Variants in LARGE1 observed in about 807,000 individuals in gnomAD.
The protein encoded by LARGE1 is xylosyl- and glucuronyltransferase LARGE1.
In LARGE1, 43 loss-of-function variants were observed where a neutral mutation model predicts 87.6. The ratio of observed to expected loss-of-function variants is 0.49; its 90% CI spans 0.38 to 0.63. The LOEUF (loss-of-function observed/expected upper bound fraction) is 0.63. Ranked by LOEUF, LARGE1 falls within the 30% of genes least tolerant of loss-of-function variation. LARGE1 has a pLI of 0.00. For missense variants in LARGE1, 802 were observed against 1,000.2 expected (o/e 0.80, Z 2.67); for synonymous variants, 434 against 394.6 (o/e 1.10, Z -1.18).
chr22:33,221,827 C>A (rs973097655), intron 11 of LARGE1: 1 of 152,244 alleles, frequency 6.6e-6, no homozygotes, highest in African/African-American at 2.4e-5. Flanking sequence ...GGAACCAGCC[C>A]CACCAATCAT....
chr22:33,695,882 C>A (rs2082228183), intron 2 of LARGE1, among the ~76,000 whole-genome samples: 1 of 152,198 alleles, frequency 6.6e-6, no homozygotes, highest in African/African-American at 2.4e-5. Flanking sequence ...CCTTCTCTGA[C>A]AATATCTGCA....
chr22:33,501,399 G>A (rs2070429491), intron 6 of LARGE1, among the ~76,000 whole-genome samples: 1 of 152,134 alleles, frequency 6.6e-6, no homozygotes, highest in South Asian at 2.1e-4. Context: ...GGCCCTAGGG[G>A]GCATGAATCT....
intron 12 of LARGE1, among the ~76,000 whole-genome samples, chr22:33,290,349 A>G (rs1602260591): frequency 6.6e-6 from 1 of 152,178 alleles, no homozygotes; most frequent in Admixed American, 6.5e-5. Context: ...ACAGTGGTTC[A>G]CATTCTAGAG....
chr22:33,428,984 G>C (rs1347680897), intron 7 of LARGE1, among the ~76,000 whole-genome samples: 1 of 150,172 alleles, frequency 6.7e-6, no homozygotes, highest in Non-Finnish European at 1.5e-5. Flanking sequence ...GGTTCAAGGA[G>C]TGAAGTGACT....
chr22:33,220,540 C>T (rs1462741060), intron 11 of LARGE1, among the ~76,000 whole-genome samples: 4 of 152,104 alleles, frequency 2.6e-5, no homozygotes, highest in Admixed American at 1.3e-4. Flanking sequence ...CCTCCTTTTT[C>T]ATTTGAAGAA....
At chr22:33,153,865 G>A in the LARGE1 span, among the ~76,000 whole-genome samples, 2 of 152,092 alleles carry the variant, frequency 1.3e-5, no homozygotes, top group Admixed American at 6.5e-5. Context: ...AAATCCCAGG[G>A]GACTGGCGGT....
chr22:33,602,567 CTA>C (rs2079139928), intron 5 of LARGE1, among the ~76,000 whole-genome samples: 2 of 152,092 alleles, frequency 1.3e-5, no homozygotes, highest in African/African-American at 4.8e-5. Flanking sequence ...ACGCATCTCA[CTA>C]TGTTTCCCAG....
the LARGE1 span, among the ~76,000 whole-genome samples, chr22:33,081,039 C>T: frequency 6.6e-6 from 1 of 152,006 alleles, no homozygotes; most frequent in Non-Finnish European, 1.5e-5. Flanking sequence ...AACTGTTTTG[C>T]CTCAGAATTC....
chr22:33,075,755 C>T, the LARGE1 span, among the ~76,000 whole-genome samples: 1,274 of 152,238 alleles, frequency 8.4e-3, 21 homozygotes, highest in South Asian at 0.057. Context: ...TTTTCCTTCA[C>T]GGTATCACAT....
intron 6 of LARGE1, among the ~76,000 whole-genome samples, chr22:33,506,862 T>C (rs1441148375): frequency 2.0e-5 from 3 of 152,022 alleles, no homozygotes; most frequent in South Asian, 2.1e-4. Context: ...GATCACGCCA[T>C]TGTACTCCAG....
At chr22:33,827,115 C>A (rs1251512717) in intron 1 of LARGE1, among the ~76,000 whole-genome samples, 1 of 152,004 alleles carries the variant, frequency 6.6e-6, no homozygotes, top group Non-Finnish European at 1.5e-5. Context: ...GTAATCCCAG[C>A]ACTTTGGGAG....
At chr22:33,766,564 A>G (rs1332035336) in intron 1 of LARGE1, among the ~76,000 whole-genome samples, 1 of 152,114 alleles carries the variant, frequency 6.6e-6, no homozygotes, top group Non-Finnish European at 1.5e-5. Flanking sequence ...AGCTGGGATT[A>G]CAGGTGCCAG....
At chr22:33,161,761 T>A (rs1014418576), downstream of LARGE1, among the ~76,000 whole-genome samples, 3 of 152,308 alleles carry the variant, frequency 2.0e-5, no homozygotes, top group African/African-American at 7.2e-5. Flanking sequence ...ACAGCCCCCC[T>A]CCCAGCTGCT....
chr22:33,652,378 A>G (rs1445288974), intron 2 of LARGE1, among the ~76,000 whole-genome samples: 1 of 151,998 alleles, frequency 6.6e-6, no homozygotes, highest in Admixed American at 6.6e-5. Context: ...ACAAACACTT[A>G]TTAGTATAAA....
intron 1 of LARGE1, among the ~76,000 whole-genome samples, chr22:33,811,956 T>G (rs541924149): frequency 6.6e-6 from 1 of 152,146 alleles, no homozygotes; most frequent in Admixed American, 6.5e-5. Flanking sequence ...GGCTTAGCGC[T>G]CAATTGCATG....
intron 1 of LARGE1, among the ~76,000 whole-genome samples, chr22:33,792,425 G>C (rs1242406300): frequency 6.6e-6 from 1 of 152,112 alleles, no homozygotes; most frequent in African/African-American, 2.4e-5. Context: ...TAAGTTTCCT[G>C]AGGCCTCCCC....
intron 1 of LARGE1, among the ~76,000 whole-genome samples, chr22:33,868,398 T>C (rs972248046): frequency 1.3e-5 from 2 of 152,190 alleles, no homozygotes; most frequent in Non-Finnish European, 2.9e-5. Flanking sequence ...CGAGACGAGA[T>C]GATGTCTAAG....
intron 6 of LARGE1, among the ~76,000 whole-genome samples, chr22:33,539,256 GA>G (rs66550730): frequency 0.55 from 81,463 of 147,786 alleles, 22,496 homozygotes; most frequent in Admixed American, 0.65. Context: ...CTGATTAAAA[GA>G]AAAAAAAAAA....
intron 9 of LARGE1, among the ~76,000 whole-genome samples, chr22:33,370,552 T>A (rs373663047): frequency 1.1e-4 from 16 of 152,320 alleles, no homozygotes; most frequent in African/African-American, 3.8e-4. Context: ...ATAATTTGAA[T>A]GCAATCGTTG....
Sources: allele counts gnomAD v4.1 joint callset (sites outside exome capture counted in the v4.1 genomes callset), GRCh38; gene constraint gnomAD v4.1.1; transcripts MANE v1.5; gene names NCBI Gene and HGNC (gene_info 2026-07-23, HGNC 2026-07-21).